The following PSD3 variants were observed in gnomAD, a reference collection of about 807,000 sequenced individuals.
PSD3 encodes the protein PH and SEC7 domain-containing protein 3.
Under a neutral mutation model 105.5 loss-of-function variants are expected in PSD3, and 49 were observed. The ratio of observed to expected loss-of-function variants is 0.46; its 90% confidence interval spans 0.37 to 0.59. The LOEUF (loss-of-function observed/expected upper bound fraction) is 0.59, where lower values mean the gene tolerates loss of function less well. PSD3 is among the 20% of genes least tolerant of loss of function. The pLI is 0.00. For missense variants in PSD3, 1,561 were observed against 1,263.8 expected (o/e 1.24, Z -3.57); for synonymous variants, 557 against 457.8 (o/e 1.22, Z -2.77).
chr8:18,954,349 A>T (rs921600646), intron 1 of PSD3, among the ~76,000 whole-genome samples: 22 of 151,306 alleles, frequency 1.5e-4, no homozygotes, highest in Non-Finnish European at 2.2e-4. Flanking sequence ...TGTACTCATG[A>T]ATTAATTATG....
At chr8:18,949,140 T>G (rs1823043674) in intron 1 of PSD3, among the ~76,000 whole-genome samples, 1 of 142,156 alleles carries the variant, frequency 7.0e-6, no homozygotes, top group African/African-American at 2.6e-5. Flanking sequence ...GAGAATGGCG[T>G]GAACCCAGGA....
At chr8:18,871,318 C>T (rs934567946) in intron 3 of PSD3, among the ~76,000 whole-genome samples, 5 of 152,128 alleles carry the variant, frequency 3.3e-5, no homozygotes, top group Admixed American at 6.5e-5. Flanking sequence ...CGTTGGGAAA[C>T]TTGAAATCTG....
intron 1 of PSD3, among the ~76,000 whole-genome samples, chr8:19,069,532 A>G (rs1316969116): frequency 2.0e-5 from 3 of 152,210 alleles, no homozygotes; most frequent in Non-Finnish European, 4.4e-5. Flanking sequence ...CTTCCTTTCT[A>G]GTAAGGGAGA....
chr8:18,565,994 T>C (rs1259499501), intron 14 of PSD3, among the ~76,000 whole-genome samples: 3 of 152,126 alleles, frequency 2.0e-5, no homozygotes, highest in African/African-American at 7.2e-5. Context: ...CGCTCGAATA[T>C]GCCTGGGTTA....
intron 4 of PSD3, among the ~76,000 whole-genome samples, chr8:18,857,351 G>A (rs931372741): frequency 6.6e-6 from 1 of 152,194 alleles, no homozygotes; most frequent in East Asian, 1.9e-4. Flanking sequence ...TGCTCGAGCA[G>A]GTCCAGGGTG....
rs763317190 is a variant in PSD3, at chr8:18,871,897, C to G, written c.967G>C (p.Glu323Gln). The change falls in exon 3 of 16, where the codon GAG (glutamate) becomes CAG (glutamine). Residue 323 changes from glutamate (E) to glutamine (Q), a missense_variant. Transcript: ENST00000327040. ...KRETQHPIDF[E>Q]TSLQRTASPD... ...GAGGCTGTTCTTTGCAGTGATGTCT[C>G]AAAATCTATAGGATGCTGGGTCTCT... The G allele has an allele frequency of 4.3e-6, 7 of 1,614,206 alleles. No individual in the cohort carries two copies. The South Asian group carries it at 7.7e-5, about 18-fold the overall frequency.
chr8:18,564,628 CAAAA>C (rs59766811), intron 14 of PSD3, among the ~76,000 whole-genome samples: 3 of 112,360 alleles, frequency 2.7e-5, no homozygotes, highest in Admixed American at 1.8e-4. Context: ...GACCTTGTCT[CAAAA>C]AAAAAAAAAA....
At chr8:18,608,471 A>G (rs1805026074) in intron 11 of PSD3, among the ~76,000 whole-genome samples, 1 of 152,232 alleles carries the variant, frequency 6.6e-6, no homozygotes. Context: ...CATTTCTGCA[A>G]TAGAAAAATT....
At chr8:18,892,175 T>TCACACACACACA (rs60102889) in intron 2 of PSD3, among the ~76,000 whole-genome samples, 5,313 of 149,934 alleles carry the variant, frequency 0.035, 348 homozygotes, top group African/African-American at 0.12. Flanking sequence ...TTACTTACAA[T>TCACACACACACA]CACACACACA....
At chr8:18,878,782 T>C (rs905039851) in intron 2 of PSD3, among the ~76,000 whole-genome samples, 4 of 152,174 alleles carry the variant, frequency 2.6e-5, no homozygotes, top group South Asian at 2.1e-4. Context: ...ATGGTATATA[T>C]AGTGTAAATA....
intron 9 of PSD3, among the ~76,000 whole-genome samples, chr8:18,661,615 C>CT (rs1359140176): frequency 1.3e-5 from 2 of 152,136 alleles, no homozygotes; most frequent in Admixed American, 6.6e-5. Flanking sequence ...GGAATTGACT[C>CT]TTTTTTTGCC....
chr8:18,764,589 G>C (rs1390793432), intron 9 of PSD3, among the ~76,000 whole-genome samples: 1 of 152,002 alleles, frequency 6.6e-6, no homozygotes, highest in Non-Finnish European at 1.5e-5. Flanking sequence ...ATTCTATGTA[G>C]CTTAAAGGTT....
At chr8:18,775,020 T>C in intron 8 of PSD3, 1 of 454,386 alleles carries the variant, frequency 2.2e-6, no homozygotes, top group South Asian at 1.6e-5. Flanking sequence ...GTGCCCCTCC[T>C]CCTCCTACCT....
At position 18,615,956 on chromosome 8, in the gene PSD3, G is replaced by C. The variant is rs536865935; in HGVS notation, c.2411-15522C>G. On this transcript the variant is annotated intron_variant, in intron 11 of 15. Transcript: ENST00000327040. ...TGCCTCCGGGCAAAAACAGCTGAAG[G>C]TCAATAAAAATAACTCAAAGTGGCT... Among the ~76,000 whole-genome samples, 14 of 152,352 alleles carry C rather than the reference G, an allele frequency of 9.2e-5. No homozygotes were observed. In the East Asian group the frequency reaches 2.7e-3, roughly 29 times the overall value.
chr8:18,712,434 G>T (rs965907056), intron 9 of PSD3, among the ~76,000 whole-genome samples: 4 of 151,888 alleles, frequency 2.6e-5, no homozygotes, highest in African/African-American at 9.7e-5. Flanking sequence ...AATGATAAAG[G>T]GGTATCATCC....
At chr8:18,943,195 A>G (rs1266043303) in intron 1 of PSD3, among the ~76,000 whole-genome samples, 1 of 152,202 alleles carries the variant, frequency 6.6e-6, no homozygotes, top group African/African-American at 2.4e-5. Flanking sequence ...TCAACCCCAC[A>G]CCACTTTTGC....
chr8:18,945,863 T>TG (rs11413966), intron 1 of PSD3, among the ~76,000 whole-genome samples: 99,442 of 151,916 alleles, frequency 0.65, 32,769 homozygotes, highest in Non-Finnish European at 0.67. Context: ...TAATCCCAGC[T>TG]CTCAGGAGGC....
intron 4 of PSD3, chr8:18,865,355 C>T (rs12155749): frequency 1.5e-5 from 2 of 132,840 alleles, no homozygotes; most frequent in African/African-American, 5.6e-5. Context: ...TTCTCATTCT[C>T]TAACCCACAA....
At chr8:18,664,096 C>A (rs1032181516) in intron 9 of PSD3, among the ~76,000 whole-genome samples, 2 of 152,182 alleles carry the variant, frequency 1.3e-5, no homozygotes, top group African/African-American at 4.8e-5. Flanking sequence ...TACAACAATA[C>A]TGAAATTAGA....
Sources: gnomAD v4.1 joint callset for allele counts (sites outside exome capture counted in the v4.1 genomes callset) on GRCh38, gnomAD v4.1.1 for gene constraint, MANE v1.5 for transcripts, NCBI Gene and HGNC (gene_info 2026-07-23, HGNC 2026-07-21) for gene names.